The following RNLS variants were observed in gnomAD, a reference collection of about 807,000 sequenced individuals.
RNLS encodes the protein renalase.
Under a neutral mutation model 39.8 loss-of-function variants are expected in RNLS, and 39 were observed. The ratio of observed to expected loss-of-function variants is 0.98; its 90% CI spans 0.76 to 1.28. RNLS has a LOEUF of 1.28. RNLS is among the 50% of genes most tolerant of loss of function. The pLI is 0.00. For synonymous variants in RNLS, 147 were observed against 150.7 expected, an observed-to-expected ratio of 0.98 and a Z score of 0.18; for missense variants, 410 against 413.3, an observed-to-expected ratio of 0.99 and a Z score of 0.07.
intron 6 of RNLS, among the ~76,000 whole-genome samples, chr10:88,296,647 T>A (rs986149014): frequency 6.6e-6 from 1 of 152,174 alleles, no homozygotes; most frequent in Non-Finnish European, 1.5e-5. Flanking sequence ...TAATGGAGAA[T>A]AAAAAACAGG....
At chr10:88,218,538 A>G in the RNLS span, among the ~76,000 whole-genome samples, 2 of 152,140 alleles carry the variant, frequency 1.3e-5, no homozygotes, top group Non-Finnish European at 2.9e-5. Context: ...TGTCCTTGGG[A>G]CAGCTTGGAC....
chr10:88,466,062 T>C (rs1216106657), intron 4 of RNLS, among the ~76,000 whole-genome samples: 1 of 152,032 alleles, frequency 6.6e-6, no homozygotes, highest in African/African-American at 2.4e-5. Flanking sequence ...CTGTATCCAT[T>C]GTTAGAAGGA....
chr10:88,217,368 A>G, the RNLS span, among the ~76,000 whole-genome samples: 3 of 152,214 alleles, frequency 2.0e-5, no homozygotes, highest in South Asian at 2.1e-4. Flanking sequence ...GTTAAAATAT[A>G]TAACAGCTTT....
intron 4 of RNLS, among the ~76,000 whole-genome samples, chr10:88,567,520 G>A (rs1282728340): frequency 1.3e-5 from 2 of 152,132 alleles, no homozygotes; most frequent in African/African-American, 2.4e-5. Context: ...AAATGTTATA[G>A]TATGTTATTA....
intron 4 of RNLS, among the ~76,000 whole-genome samples, chr10:88,524,178 C>G (rs1012924839): frequency 6.6e-6 from 1 of 152,058 alleles, no homozygotes; most frequent in East Asian, 1.9e-4. Flanking sequence ...TGGCTATAGG[C>G]AGTGCCCCCT....
At chr10:88,309,832 G>A (rs1486683744) in intron 6 of RNLS, among the ~76,000 whole-genome samples, 2 of 151,380 alleles carry the variant, frequency 1.3e-5, no homozygotes, top group African/African-American at 4.9e-5. Context: ...TGAGAAGAGA[G>A]CTTTCCAAAA....
At chr10:88,319,490 A>T (rs910732802) in intron 5 of RNLS, among the ~76,000 whole-genome samples, 13 of 152,098 alleles carry the variant, frequency 8.5e-5, no homozygotes, top group African/African-American at 3.1e-4. Flanking sequence ...AAGGAAACTC[A>T]ATGAGATCCA....
chr10:88,172,396 G>A, the RNLS span, among the ~76,000 whole-genome samples: 1 of 152,228 alleles, frequency 6.6e-6, no homozygotes, highest in South Asian at 2.1e-4. Context: ...ATATCTCATT[G>A]TGGTTTTGAT....
rs117759675 is a variant in RNLS at position 88,288,242 on chromosome 10, T to C, written c.877-2736A>G. Among the ~76,000 whole-genome samples the C allele has an allele frequency of 2.5e-3, 376 of 152,274 alleles. 12 individuals are homozygous for C. The East Asian group carries it at 0.068, about 28-fold the overall frequency. ...GGTGGTTACTATTGTTCTTATTTTATACATAAGAAAGTTGAGGCTCAGAAA... is the reference window on the plus strand; with the variant it reads ...GGTGGTTACTATTGTTCTTATTTTACACATAAGAAAGTTGAGGCTCAGAAA... On this transcript the variant is annotated intron_variant, in intron 6 of 6. Coordinates refer to ENST00000331772, the MANE Select transcript of RNLS (RefSeq NM_001031709.3).
chr10:88,509,703 T>C (rs1845996817), intron 4 of RNLS, among the ~76,000 whole-genome samples: 1 of 142,692 alleles, frequency 7.0e-6, no homozygotes, highest in African/African-American at 2.7e-5. Flanking sequence ...AGGTGTTCTC[T>C]ACCAAGCACA....
chr10:88,543,953 T>G (rs904731161), intron 4 of RNLS, among the ~76,000 whole-genome samples: 4 of 152,168 alleles, frequency 2.6e-5, no homozygotes, highest in African/African-American at 9.6e-5. Context: ...CTATTTTCTG[T>G]TAAGTCTGAA....
chr10:88,576,287 TC>T (rs1850204724), intron 3 of RNLS, among the ~76,000 whole-genome samples: 4 of 152,182 alleles, frequency 2.6e-5, no homozygotes, highest in Non-Finnish European at 5.9e-5. Flanking sequence ...GACTTTTGTT[TC>T]CCCAGCACAT....
At chr10:88,441,986 G>A (rs1841739280) in intron 4 of RNLS, among the ~76,000 whole-genome samples, 2 of 152,144 alleles carry the variant, frequency 1.3e-5, no homozygotes, top group East Asian at 3.8e-4. Context: ...ATCCCCTATG[G>A]TGATGCCCTC....
At chr10:88,328,345 C>A (rs956520530) in intron 5 of RNLS, among the ~76,000 whole-genome samples, 10 of 152,154 alleles carry the variant, frequency 6.6e-5, no homozygotes, top group African/African-American at 2.4e-4. Context: ...TTGCCAATTT[C>A]TGCTTTCAGT....
chr10:88,248,852 C>A, the RNLS span, among the ~76,000 whole-genome samples: 1 of 152,204 alleles, frequency 6.6e-6, no homozygotes, highest in South Asian at 2.1e-4. Flanking sequence ...GGATAAGAAT[C>A]TCTACTACAT....
the RNLS span, among the ~76,000 whole-genome samples, chr10:88,245,570 C>A: frequency 6.6e-6 from 1 of 152,186 alleles, no homozygotes; most frequent in Non-Finnish European, 1.5e-5. Context: ...AATGGCTTAA[C>A]CACAAATTCA....
chr10:88,575,159 T>TATATATATACACAC (rs1386414416), intron 3 of RNLS, among the ~76,000 whole-genome samples: 13 of 43,394 alleles, frequency 3.0e-4, no homozygotes, highest in African/African-American at 9.6e-4. Context: ...TATATATATA[T>TATATATATACACAC]ACACACACAC....
At chr10:88,292,589 A>C (rs1200378082) in intron 6 of RNLS, among the ~76,000 whole-genome samples, 3 of 151,290 alleles carry the variant, frequency 2.0e-5, no homozygotes, top group Non-Finnish European at 4.4e-5. Flanking sequence ...AAAAAAAAAA[A>C]AACCTAGTTG....
At chr10:88,481,676 T>G (rs1284796995) in intron 4 of RNLS, among the ~76,000 whole-genome samples, 2 of 152,174 alleles carry the variant, frequency 1.3e-5, no homozygotes, top group Admixed American at 1.3e-4. Context: ...CAGTAATAAT[T>G]ATAATAACTG....
Sources: gnomAD v4.1 joint callset for allele counts (sites outside exome capture counted in the v4.1 genomes callset) on GRCh38, gnomAD v4.1.1 for gene constraint, MANE v1.5 for transcripts, NCBI Gene and HGNC (gene_info 2026-07-23, HGNC 2026-07-21) for gene names.